The following ACVR2B variants were observed in gnomAD, a reference collection of about 807,000 sequenced individuals.
ACVR2B encodes the protein activin A receptor type 2B, also known as activin receptor type-2B.
ACVR2B carries 18 observed loss-of-function variants against 65.1 expected under a neutral mutation model. That is an observed-to-expected ratio of 0.28 (90% CI 0.19 to 0.41). The LOEUF (loss-of-function observed/expected upper bound fraction) is 0.41, where lower values mean the gene tolerates loss of function less well. Ranked by LOEUF, ACVR2B falls within the 10% of genes least tolerant of loss-of-function variation. The pLI, the probability that ACVR2B is intolerant of heterozygous loss-of-function variation, is 1.00. For synonymous variants in ACVR2B, 298 were observed against 277.7 expected (o/e 1.07, Z -0.73); for missense variants, 482 against 682.7 (o/e 0.71, Z 3.28).
chr3:38,458,293 C>T (rs1709583834), intron 1 of ACVR2B, among the ~76,000 whole-genome samples: 2 of 152,210 alleles, frequency 1.3e-5, no homozygotes, highest in Admixed American at 1.3e-4. Flanking sequence ...GTCATAGACC[C>T]CTCTGAGAAT....
intron 1 of ACVR2B, chr3:38,459,808 G>C (rs1709611691): frequency 3.1e-6 from 1 of 317,752 alleles, no homozygotes; most frequent in Non-Finnish European, 4.6e-6. Context: ...ACAGGCAGCC[G>C]ACACTGGAGG....
intron 1 of ACVR2B, among the ~76,000 whole-genome samples, chr3:38,460,699 C>T (rs1371279944): frequency 1.3e-5 from 2 of 152,212 alleles, no homozygotes; most frequent in African/African-American, 4.8e-5. Flanking sequence ...AAATGTGAGG[C>T]CCTCTTCCCA....
chr3:38,475,314 G>T (rs375809798), intron 1 of ACVR2B: 1 of 152,248 alleles, frequency 6.6e-6, no homozygotes, highest in African/African-American at 2.4e-5. Context: ...AAGCCTCTCT[G>T]TGGACCCTGA....
chr3:38,486,218 G>C lies in ACVR2B; in HGVS notation c.*2886G>C, dbSNP rs902873734. On this transcript the variant is annotated 3_prime_UTR_variant, in exon 11 of 11. Transcript: ENST00000352511. ...GCCTTGCCATCAGATTGTGTGTCAGGAGATGGTACCTTTTTGGTGTGGCTG... is the reference window on the plus strand; with the variant it reads ...GCCTTGCCATCAGATTGTGTGTCAGCAGATGGTACCTTTTTGGTGTGGCTG... The C allele has an allele frequency of 2.6e-5, 4 of 152,262 alleles. No homozygotes were observed. The highest frequency in any genetic ancestry group is 2.6e-4 in the Admixed American group (4 of 15,282). 9.4% of individuals were successfully genotyped at this position (152,262 alleles called of 1,614,324 possible). A position where few individuals can be genotyped will look rare whatever the true frequency, so the allele number is the denominator to read the frequency against.
Position 38,481,324 on chromosome 3 carries a change from T to C in ACVR2B, c.960-27T>C. The C allele has an allele frequency of 1.3e-6, 2 of 1,580,576 alleles. No individual in the cohort carries two copies. The highest frequency in any genetic ancestry group is 1.7e-6 in the Non-Finnish European group (2 of 1,149,690). On this transcript the variant is annotated intron_variant, in intron 7 of 10. Coordinates refer to ENST00000352511, the MANE Select transcript of ACVR2B (RefSeq NM_001106.4). This position sits in a 1 kb window ranked among gnomAD's most constrained non-coding sequence, Gnocchi z 4.7. ...TGGGAGTTGGATCATGATGTTAAGC[T>C]TTATCTCTGCCCACTTGTTTCCACA... is the stretch of plus-strand genomic sequence containing the variant.
chr3:38,477,192 T>A lies in ACVR2B; in HGVS notation c.53-95T>A. The A allele has an allele frequency of 6.8e-7, 1 of 1,474,094 alleles. No individual in the cohort carries two copies. Among genetic ancestry groups the A allele is most frequent in the South Asian group, 1.2e-5 (1 of 84,322 alleles). The allele number at this position is 1,474,094 out of a possible 1,614,324, so 91.3% of individuals were successfully genotyped here. On this transcript the variant is annotated intron_variant, in intron 1 of 10. Coordinates refer to ENST00000352511, the MANE Select transcript of ACVR2B (RefSeq NM_001106.4). This position sits in a 1 kb window ranked among gnomAD's most constrained non-coding sequence, Gnocchi z 6.7. ...ACCCCAACCCACCACCCGGCCTCCC[T>A]CCCTCAGGGTGGCCTGGCACCCAGG...
chr3:38,476,554 T>TA (rs1419370112), intron 1 of ACVR2B: 1 of 153,388 alleles, frequency 6.5e-6, no homozygotes, highest in Non-Finnish European at 1.4e-5. Context: ...AAAGGACACT[T>TA]ACAGGGTCCT....
intron 1 of ACVR2B, among the ~76,000 whole-genome samples, chr3:38,456,301 C>A (rs1709549782): frequency 6.6e-6 from 1 of 152,234 alleles, no homozygotes. Flanking sequence ...GCAGACCTGA[C>A]CGTCCTGTTG....
At chr3:38,467,717 A>G (rs560964632) in intron 1 of ACVR2B, among the ~76,000 whole-genome samples, 57 of 150,740 alleles carry the variant, frequency 3.8e-4, no homozygotes, top group Non-Finnish European at 4.3e-4. Context: ...GAGTCACTGT[A>G]CTCCAGCCTA....
At chr3:38,459,786 G>A in intron 1 of ACVR2B, 4 of 571,348 alleles carry the variant, frequency 7.0e-6, no homozygotes, top group Non-Finnish European at 8.9e-6. Context: ...GGTGTGGGCA[G>A]CGCTGCCTTA....
chr3:38,458,575 C>T (rs1468486197), intron 1 of ACVR2B, among the ~76,000 whole-genome samples: 3 of 152,174 alleles, frequency 2.0e-5, no homozygotes, highest in Non-Finnish European at 4.4e-5. Flanking sequence ...GATTCTAGCC[C>T]TGGTCTCTCT....
rs186531481 is a variant in ACVR2B, at chr3:38,477,811, A to T, written c.261-50A>T. On this transcript the variant is annotated intron_variant, in intron 2 of 10. Transcript: ENST00000352511. This position sits in a 1 kb window ranked among gnomAD's most constrained non-coding sequence, Gnocchi z 6.7. The stretch of plus-strand genomic sequence containing the variant: ...GGGGTTGGCAGGGCAGGCCTGGGGG[A>T]GTCTTGCATCCCCCAGGTGAGGGGT... The T allele has an allele frequency of 6.4e-7, 1 of 1,569,002 alleles. No individual in the cohort carries two copies. The highest frequency in any genetic ancestry group is 8.8e-7 in the Non-Finnish European group (1 of 1,139,998).
chr3:38,455,195 G>A (rs1020648675), intron 1 of ACVR2B, among the ~76,000 whole-genome samples: 4 of 152,100 alleles, frequency 2.6e-5, no homozygotes, highest in African/African-American at 9.7e-5. Context: ...AGTTCCGCCT[G>A]GAAAGCTTGT....
intron 1 of ACVR2B, among the ~76,000 whole-genome samples, chr3:38,461,710 A>G (rs1448078286): frequency 1.3e-5 from 2 of 152,172 alleles, no homozygotes; most frequent in Non-Finnish European, 2.9e-5. Flanking sequence ...AAAAAAATTT[A>G]TTACTTTTTA....
At chr3:38,460,420 C>T (rs1046506096) in intron 1 of ACVR2B, among the ~76,000 whole-genome samples, 1 of 152,192 alleles carries the variant, frequency 6.6e-6, no homozygotes, top group Non-Finnish European at 1.5e-5. Flanking sequence ...ATGTCTCTGA[C>T]TAAGGCAGTG....
At position 38,477,835 on chromosome 3, in the gene ACVR2B, G is replaced by T. The variant is rs768631662; in HGVS notation, c.261-26G>T. 1 of 1,610,348 alleles carries T rather than the reference G, an allele frequency of 6.2e-7. No individual in the cohort carries two copies. The highest frequency in any genetic ancestry group is 8.5e-7 in the Non-Finnish European group (1 of 1,176,696). ...GAGTCTTGCATCCCCCAGGTGAGGG[G>T]TATATGGAAAATTCTGTGCCTCCAG... is the stretch of plus-strand genomic sequence containing the variant. On this transcript the variant is annotated intron_variant, in intron 2 of 10. Coordinates refer to ENST00000352511, the MANE Select transcript of ACVR2B (RefSeq NM_001106.4). The surrounding 1 kb of genome is among the most constrained non-coding windows in gnomAD (Gnocchi z 6.7).
chr3:38,457,565 C>T (rs1290103469), intron 1 of ACVR2B, among the ~76,000 whole-genome samples: 3 of 152,204 alleles, frequency 2.0e-5, no homozygotes, highest in Non-Finnish European at 2.9e-5. Context: ...TTGGCTCTTG[C>T]ATTTCAGTGG....
Position 38,483,591 on chromosome 3 carries a change from G to T in ACVR2B, c.*259G>T, listed in dbSNP as rs1205116312. ...ACACGTCAGCAGGCGTTGAGGTGCTGAGCTGTGGATGCAGAACCAGCGCCA... is the reference window on the plus strand; with the variant it reads ...ACACGTCAGCAGGCGTTGAGGTGCTTAGCTGTGGATGCAGAACCAGCGCCA... On this transcript the variant is annotated 3_prime_UTR_variant, in exon 11 of 11. Coordinates refer to ENST00000352511, the MANE Select transcript of ACVR2B (RefSeq NM_001106.4). This position sits in a 1 kb window ranked among gnomAD's most constrained non-coding sequence, Gnocchi z 4.8. The T allele has an allele frequency of 5.9e-6, 1 of 168,786 alleles. No homozygotes were observed. The highest frequency in any genetic ancestry group is 2.4e-5 in the African/African-American group (1 of 41,656). 10.5% of individuals were successfully genotyped at this position (168,786 alleles called of 1,614,324 possible). A position where few individuals can be genotyped will look rare whatever the true frequency, so the allele number is the denominator to read the frequency against.
intron 1 of ACVR2B, among the ~76,000 whole-genome samples, chr3:38,459,932 GC>G (rs1172516141): frequency 6.6e-6 from 1 of 152,172 alleles, no homozygotes; most frequent in African/African-American, 2.4e-5. Context: ...CCTGCTTCAA[GC>G]TTGGCTAGGG....
Sources: gnomAD v4.1 joint callset for allele counts (sites outside exome capture counted in the v4.1 genomes callset) on GRCh38, gnomAD v4.1.1 for gene constraint, Gnocchi (gnomAD v3.1) non-coding constraint, MANE v1.5 for transcripts, NCBI Gene and HGNC (gene_info 2026-07-23, HGNC 2026-07-21) for gene names.